Variants in GLS observed in about 807,000 individuals in gnomAD.
GLS encodes the protein glutaminase.
Under a neutral mutation model 86.7 loss-of-function variants are expected in GLS, and 36 were observed. The ratio of observed to expected loss-of-function variants is 0.42; its 90% CI spans 0.32 to 0.55. GLS has a LOEUF of 0.55. GLS is among the 20% of genes least tolerant of loss of function. The pLI, the probability that GLS is intolerant of heterozygous loss-of-function variation, is 0.17. For synonymous variants in GLS, 317 were observed against 305.9 expected (o/e 1.04, Z -0.38); for missense variants, 528 against 833.4 (o/e 0.63, Z 4.51).
rs994504585 is a variant in GLS, at chr2:190,947,553, A to G, written c.1651-6012A>G. Among the ~76,000 whole-genome samples, 10 of 152,206 alleles carry G rather than the reference A, an allele frequency of 6.6e-5. No individual in the cohort carries two copies. Among genetic ancestry groups the G allele is most frequent in the Admixed American group, 1.3e-4 (2 of 15,274 alleles). ...GTGTCTCTTTGCCATGGGGAGGTATACATTAAACATCAGAGCCCTTAATTT... is the reference window on the plus strand; with the variant it reads ...GTGTCTCTTTGCCATGGGGAGGTATGCATTAAACATCAGAGCCCTTAATTT... On this transcript the variant is annotated intron_variant, in intron 14 of 17. Coordinates refer to ENST00000320717, the MANE Select transcript of GLS (RefSeq NM_014905.5). This position sits in a 1 kb window ranked among gnomAD's most constrained non-coding sequence, Gnocchi z 5.0.
At position 190,895,373 on chromosome 2, in the gene GLS, A is replaced by T. The variant is rs930026728; in HGVS notation, c.483+125A>T. Reference sequence around the variant, plus strand: ...GATTCTGACTGACAATATTTCTCTTATTATGTTTTCAAATTTTTGTCATGC... The same window carrying T: ...GATTCTGACTGACAATATTTCTCTTTTTATGTTTTCAAATTTTTGTCATGC... On this transcript the variant is annotated intron_variant, in intron 2 of 17. Transcript: ENST00000320717. This position sits in a 1 kb window ranked among gnomAD's most constrained non-coding sequence, Gnocchi z 4.2. 1.8e-6 allele frequency: 1 copy of T among 544,836 alleles called. No individual in the cohort carries two copies. The highest frequency in any genetic ancestry group is 3.2e-6 in the Non-Finnish European group (1 of 309,026). 33.8% of individuals were successfully genotyped at this position (544,836 alleles called of 1,614,324 possible). A position where few individuals can be genotyped will look rare whatever the true frequency, so the allele number is the denominator to read the frequency against.
chr2:190,959,931 G>T (rs905772959), intron 17 of GLS, among the ~76,000 whole-genome samples: 1 of 152,152 alleles, frequency 6.6e-6, no homozygotes, highest in Non-Finnish European at 1.5e-5. Context: ...ATTTTAATCA[G>T]TGCTTTAGGG....
At chr2:190,950,562 C>T (rs1690694021) in intron 14 of GLS, among the ~76,000 whole-genome samples, 1 of 152,232 alleles carries the variant, frequency 6.6e-6, no homozygotes, top group Non-Finnish European at 1.5e-5. Flanking sequence ...TTAGAAAAAG[C>T]TAATTCTGTC....
intron 7 of GLS, among the ~76,000 whole-genome samples, chr2:190,918,192 A>T (rs531399740): frequency 6.6e-6 from 1 of 152,184 alleles, no homozygotes; most frequent in South Asian, 2.1e-4. Context: ...AAAGTCATAG[A>T]TGTCATCTTT....
chr2:190,887,463 G>A (rs566663131), intron 1 of GLS, among the ~76,000 whole-genome samples: 1 of 152,188 alleles, frequency 6.6e-6, no homozygotes, highest in Non-Finnish European at 1.5e-5. Context: ...ACATAGAACT[G>A]TAGATGTTGC....
chr2:190,943,784 T>A lies in GLS; in HGVS notation c.1651-9781T>A, dbSNP rs140043867. Reference sequence around the variant, plus strand: ...TGTTATTACACCTCTTCTGTGAGTATGCTCCATAAAGCACACATGTTGAAC... The same window carrying A: ...TGTTATTACACCTCTTCTGTGAGTAAGCTCCATAAAGCACACATGTTGAAC... On this transcript the variant is annotated intron_variant, in intron 14 of 17. Transcript: ENST00000320717. The surrounding 1 kb of genome is among the most constrained non-coding windows in gnomAD (Gnocchi z 4.5). Among the ~76,000 whole-genome samples, 1 of 152,340 alleles carries A rather than the reference T, an allele frequency of 6.6e-6. No homozygotes were observed. Among genetic ancestry groups the A allele is most frequent in the Non-Finnish European group, 1.5e-5 (1 of 68,016 alleles).
At position 190,884,589 on chromosome 2, in the gene GLS, G is replaced by A. The variant is rs563718305; in HGVS notation, c.386+3119G>A. ...ATACTTATTTCCATAAAGTCCAGAA[G>A]TATGTATCCTATCTTAGTGAATGGT... is the stretch of plus-strand genomic sequence containing the variant. On this transcript the variant is annotated intron_variant, in intron 1 of 17. Coordinates refer to ENST00000320717, the MANE Select transcript of GLS (RefSeq NM_014905.5). Among the ~76,000 whole-genome samples, 5 of 152,318 alleles carry A rather than the reference G, an allele frequency of 3.3e-5. No individual in the cohort carries two copies. In the East Asian group the frequency reaches 9.6e-4, roughly 29 times the overall value.
intron 14 of GLS, chr2:190,933,348 A>G: frequency 1.1e-6 from 1 of 892,386 alleles, no homozygotes; most frequent in African/African-American, 1.8e-5. Flanking sequence ...TGAACCCCAA[A>G]TTATTTTATT....
At chr2:190,898,354 T>A (rs773248026) in intron 3 of GLS, among the ~76,000 whole-genome samples, 42 of 152,234 alleles carry the variant, frequency 2.8e-4, no homozygotes, top group Non-Finnish European at 5.4e-4. Flanking sequence ...GAGATATATA[T>A]AACTTGCTGA....
Position 190,908,528 on chromosome 2 carries a change from C to T in GLS, c.980-1735C>T, listed in dbSNP as rs373187861. ...ATGTCCATTTTGTCAGTATAACACG[C>T]TCTGATATTTCGTTACTTTAAATGA... On this transcript the variant is annotated intron_variant, in intron 6 of 17. Coordinates refer to ENST00000320717, the MANE Select transcript of GLS (RefSeq NM_014905.5). 2.6e-5 allele frequency among the ~76,000 whole-genome samples: 4 copies of T among 152,282 alleles called. No individual in the cohort carries two copies. The East Asian group carries it at 7.7e-4, about 29-fold the overall frequency.
intron 17 of GLS, among the ~76,000 whole-genome samples, chr2:190,957,310 T>A (rs1220249958): frequency 6.6e-6 from 1 of 152,236 alleles, no homozygotes; most frequent in East Asian, 1.9e-4. Flanking sequence ...CAGGCTGCTC[T>A]CGAACTCCTG....
chr2:190,911,566 C>G (rs1034641584), intron 7 of GLS, among the ~76,000 whole-genome samples: 1 of 152,052 alleles, frequency 6.6e-6, no homozygotes, highest in African/African-American at 2.4e-5. Context: ...AGGCACAGTC[C>G]TAGCTTTAGG....
At chr2:190,957,964 A>T (rs144328536) in intron 17 of GLS, among the ~76,000 whole-genome samples, 2,287 of 152,306 alleles carry the variant, frequency 0.015, 34 homozygotes, top group Non-Finnish European at 0.019. Context: ...ATTGTTTGGA[A>T]TAGATTCAGA....
chr2:190,942,204 C>T (rs1558991283), intron 14 of GLS, among the ~76,000 whole-genome samples: 1 of 150,408 alleles, frequency 6.6e-6, no homozygotes. Context: ...CTCAGCCTCC[C>T]GAGTAGCTGG....
intron 13 of GLS, 110 bp from the exon 14 acceptor site, chr2:190,931,435 G>A (rs1690102256): frequency 4.0e-6 from 2 of 497,554 alleles, no homozygotes; most frequent in South Asian, 7.4e-5. Flanking sequence ...TTATTAGCAT[G>A]TAGTGATGAT....
At chr2:190,893,381 C>A (rs1335269681) in intron 1 of GLS, among the ~76,000 whole-genome samples, 3 of 152,120 alleles carry the variant, frequency 2.0e-5, no homozygotes, top group Admixed American at 2.0e-4. Flanking sequence ...GAAATGGGGA[C>A]AGAGGTAGTC....
In GLS at chr2:190,956,718, ATTCT is replaced by A. The variant is rs1690869620; in HGVS notation, c.1853+1905_1853+1908del. On this transcript the variant is annotated intron_variant, in intron 17 of 17. Transcript: ENST00000320717. The surrounding 1 kb of genome is among the most constrained non-coding windows in gnomAD (Gnocchi z 4.2). The stretch of plus-strand genomic sequence containing the variant: ...TTGTATGGCCATTTTCATGATATTG[ATTCT>A]TTCTAGCCACGAGCATGGAATGTTT... Among the ~76,000 whole-genome samples, 1 of 152,102 alleles carries A rather than the reference ATTCT, an allele frequency of 6.6e-6. No homozygotes were observed. The highest frequency in any genetic ancestry group is 2.4e-5 in the African/African-American group (1 of 41,424).
Position 190,926,528 on chromosome 2 carries a change from C to T in GLS, c.1249-778C>T, listed in dbSNP as rs911001967. Among the ~76,000 whole-genome samples the T allele has an allele frequency of 1.4e-4, 22 of 152,058 alleles. 1 individual carries two copies. The highest frequency in any genetic ancestry group is 1.3e-3 in the Admixed American group (20 of 15,264). On this transcript the variant is annotated intron_variant, in intron 11 of 17. Coordinates refer to ENST00000320717, the MANE Select transcript of GLS (RefSeq NM_014905.5). ...TCCACTTTATTTTTTGACCCCGTCT[C>T]ATCCCAATTTTGCTTACTATTAGCT...
In GLS at chr2:190,924,196, CA is replaced by C. The variant is rs1218404116; in HGVS notation, c.1197+214del. Among the ~76,000 whole-genome samples the C allele has an allele frequency of 6.6e-6, 1 of 152,066 alleles. No homozygotes were observed. The stretch of plus-strand genomic sequence containing the variant: ...TCTGGCAGCATTTAAATATTTGACT[CA>C]TATTATTTATTAATACAAATTTTGT... On this transcript the variant is annotated intron_variant, in intron 10 of 17. Coordinates refer to ENST00000320717, the MANE Select transcript of GLS (RefSeq NM_014905.5). This position sits in a 1 kb window ranked among gnomAD's most constrained non-coding sequence, Gnocchi z 5.2.
Sources: allele counts gnomAD v4.1 joint callset (sites outside exome capture counted in the v4.1 genomes callset), GRCh38; gene constraint gnomAD v4.1.1; non-coding constraint Gnocchi (gnomAD v3.1); transcripts MANE v1.5; gene names NCBI Gene and HGNC (gene_info 2026-07-23, HGNC 2026-07-21).